The following AKAP9 variants were observed in gnomAD, a reference collection of about 807,000 sequenced individuals.
The protein encoded by AKAP9 is A-kinase anchor protein 9.
In AKAP9, 311 loss-of-function variants were observed where a neutral mutation model predicts 488.5. The ratio of observed to expected loss-of-function variants is 0.64; its 90% CI spans 0.58 to 0.70. The LOEUF (loss-of-function observed/expected upper bound fraction) is 0.70, where lower values mean the gene tolerates loss of function less well. AKAP9 is among the 30% of genes least tolerant of loss of function. AKAP9 has a pLI of 0.00. For synonymous variants in AKAP9, 1,462 were observed against 1,483.5 expected (o/e 0.99, Z 0.33); for missense variants, 4,215 against 4,374.5 (o/e 0.96, Z 1.03).
chr7:91,960,393 G>A (rs2130508427), intron 1 of AKAP9, among the ~76,000 whole-genome samples: 1 of 152,270 alleles, frequency 6.6e-6, no homozygotes, highest in African/African-American at 2.4e-5. Context: ...GGATGAGAAT[G>A]CATGGAAAGC....
intron 11 of AKAP9, among the ~76,000 whole-genome samples, chr7:92,016,575 A>G (rs1323103006): frequency 6.6e-6 from 1 of 152,020 alleles, no homozygotes; most frequent in African/African-American, 2.4e-5. Flanking sequence ...TTTTAAAGTT[A>G]TTGTATTTAT....
intron 23 of AKAP9, among the ~76,000 whole-genome samples, chr7:92,061,756 G>T (rs2961024): frequency 0.78 from 117,801 of 151,320 alleles, 46,649 homozygotes; most frequent in African/African-American, 0.93. Context: ...AAACTGAAGC[G>T]AAAAGATGTT....
chr7:92,001,988 A>G lies in AKAP9; in HGVS notation c.2071A>G (p.Lys691Glu). 1 of 1,612,354 alleles carries G rather than the reference A, an allele frequency of 6.2e-7. No individual in the cohort carries two copies. Among genetic ancestry groups the G allele is most frequent in the Admixed American group, 1.7e-5 (1 of 59,880 alleles). ...MQFEKDNLIT[K>E]QNQLILEISK... ...GTTTGAAAAGGACAATTTGATAACT[A>G]AGCAGAATCAATTAATTTTGGAAAT... Residue 691 changes from lysine (K) to glutamate (E), a missense_variant, in exon 8 of 50, where the codon AAG (lysine) becomes GAG (glutamate). Lys to Glu is a moderately conservative substitution (Grantham distance 56). Coordinates refer to ENST00000356239, the MANE Select transcript of AKAP9 (RefSeq NM_005751.5).
chr7:92,105,425 C>T (rs948561828), intron 46 of AKAP9, among the ~76,000 whole-genome samples: 1 of 152,146 alleles, frequency 6.6e-6, no homozygotes, highest in African/African-American at 2.4e-5. Context: ...ATTTATCCCT[C>T]AAGCTGGAAC....
chr7:92,014,375 C>T, intron 10 of AKAP9, 47 bp downstream of exon 10: 1 of 1,354,034 alleles, frequency 7.4e-7, no homozygotes, highest in Non-Finnish European at 1.0e-6. Context: ...GTGGCTGACA[C>T]TTATAATCCC....
At chr7:91,971,660 C>CG (rs1562915429) in intron 1 of AKAP9, among the ~76,000 whole-genome samples, 2 of 150,640 alleles carry the variant, frequency 1.3e-5, no homozygotes, top group South Asian at 4.2e-4. Context: ...CTCTGCCTCC[C>CG]GGGTTCACGC....
At chr7:92,046,032 C>T (rs1007868814) in intron 21 of AKAP9, among the ~76,000 whole-genome samples, 1 of 151,988 alleles carries the variant, frequency 6.6e-6, no homozygotes, top group Middle Eastern at 3.4e-3. Flanking sequence ...CAGGATTTTA[C>T]CCTGTTAGCC....
intron 12 of AKAP9, among the ~76,000 whole-genome samples, chr7:92,019,734 A>G (rs1032634169): frequency 2.0e-5 from 3 of 151,936 alleles, no homozygotes; most frequent in African/African-American, 4.8e-5. Context: ...AAGGCCGGGC[A>G]TGGTGGCTCA....
In AKAP9 at chr7:92,097,709, T is replaced by C. The variant is rs1462529747; in HGVS notation, c.10522T>C (p.Cys3508Arg). Residue 3508 changes from cysteine to arginine, a missense_variant, in exon 42 of 50, where the codon TGT becomes CGT. Coordinates refer to ENST00000356239, the MANE Select transcript of AKAP9 (RefSeq NM_005751.5). ...TGAAATGAATGGAGGAGGAACCGGC[T>C]GTAATCATGAATTAGAAATGATCAG... The part of the protein sequence containing the change: ...LIEMNGGGTG[C>R]NHELEMIRQK... 3.7e-6 allele frequency: 6 copies of C among 1,614,064 alleles called. No individual in the cohort carries two copies. The highest frequency in any genetic ancestry group is 5.1e-6 in the Non-Finnish European group (6 of 1,180,026).
chr7:92,093,726 CACATT>C (rs1389742597), intron 39 of AKAP9, among the ~76,000 whole-genome samples: 1 of 152,122 alleles, frequency 6.6e-6, no homozygotes, highest in Non-Finnish European at 1.5e-5. Flanking sequence ...TTGCCAAAGA[CACATT>C]ACAACTAGTC....
chr7:92,029,283 A>G (rs1030961856), intron 14 of AKAP9, among the ~76,000 whole-genome samples: 3 of 152,214 alleles, frequency 2.0e-5, no homozygotes, highest in African/African-American at 4.8e-5. Flanking sequence ...ATATTTGTAA[A>G]TTAAGATTCT....
Position 92,040,648 on chromosome 7 carries a change from T to TG in AKAP9, c.4693-26_4693-25insG, listed in dbSNP as rs201447291. The TG allele has an allele frequency of 0.019, 16,530 of 864,854 alleles. 37 individuals carry two copies. Among genetic ancestry groups the TG allele is most frequent in the Non-Finnish European group, 0.023 (14,094 of 625,760 alleles). 53.6% of individuals were successfully genotyped at this position (864,854 alleles called of 1,614,324 possible). On this transcript the variant is annotated intron_variant, in intron 17 of 49. Coordinates refer to ENST00000356239, the MANE Select transcript of AKAP9 (RefSeq NM_005751.5). ...ACAAAATGTGTTATGGTTGAATTGT[T>TG]TTTTTTTTTTTTTTTACTATTAAAG...
chr7:92,042,334 A>G (rs1180806596), intron 19 of AKAP9, 148 bp downstream of exon 19: 9 of 1,033,126 alleles, frequency 8.7e-6, no homozygotes, highest in African/African-American at 1.6e-5. Flanking sequence ...GGTGGAGTCA[A>G]AATGCCTTAC....
rs768679662 is a variant in AKAP9, at chr7:92,076,934, T to C, written c.6692T>C (p.Met2231Thr). The part of the protein sequence containing the change: ...NKNEEVQQLH[M>T]QLEIQKKEST... ...AATGAAGAAGTTCAACAATTACATATGCAATTAGAAATACAGAAAAAGGAA... is the reference window on the plus strand; with the variant it reads ...AATGAAGAAGTTCAACAATTACATACGCAATTAGAAATACAGAAAAAGGAA... The change falls in exon 29 of 50, where the codon ATG becomes ACG. Residue 2231 changes from methionine (M) to threonine (T), a missense_variant. Physicochemically the swap from Met to Thr is moderately conservative, Grantham distance 81. Around this residue, in one of 5 missense-constraint regions of AKAP9, gnomAD observed 51 missense variants for 87.3 expected, o/e 0.58. Transcript: ENST00000356239. The C allele has an allele frequency of 1.9e-6, 3 of 1,561,572 alleles. No individual in the cohort carries two copies. The highest frequency in any genetic ancestry group is 1.1e-5 in the South Asian group (1 of 86,994).
At chr7:92,088,382 A>G (rs935653551) in intron 37 of AKAP9, among the ~76,000 whole-genome samples, 1 of 152,214 alleles carries the variant, frequency 6.6e-6, no homozygotes, top group African/African-American at 2.4e-5. Flanking sequence ...GATGAAAAGA[A>G]ACTGTCTCAT....
chr7:92,003,779 C>A (rs1283589480), intron 8 of AKAP9, among the ~76,000 whole-genome samples: 1 of 151,768 alleles, frequency 6.6e-6, no homozygotes, highest in Non-Finnish European at 1.5e-5. Context: ...GGGGAAAAAA[C>A]AGTATTAACT....
intron 46 of AKAP9, 104 bp downstream of exon 46, chr7:92,102,930 T>C (rs1296126007): frequency 1.9e-6 from 2 of 1,029,976 alleles, no homozygotes; most frequent in African/African-American, 1.6e-5. Flanking sequence ...TATATTTATA[T>C]AGTAGGAGGT....
Position 92,079,234 on chromosome 7 carries a change from A to C in AKAP9, c.7101A>C (p.Gly2367=), listed in dbSNP as rs1444132186. 1 of 1,614,078 alleles carries C rather than the reference A, an allele frequency of 6.2e-7. No homozygotes were observed. The highest frequency in any genetic ancestry group is 1.1e-5 in the South Asian group (1 of 91,078). The change falls in exon 31 of 50, where the codon GGA becomes GGC. Residue 2367 remains glycine (G), a synonymous_variant. Coordinates refer to ENST00000356239, the MANE Select transcript of AKAP9 (RefSeq NM_005751.5). ...EKLQQELANI[G]QKTSMNAHSL... ...TTCAACAGGAATTGGCAAATATTGG[A>C]CAGAAGACATCAATGAATGCTCATT...
chr7:92,102,950 C>A, intron 46 of AKAP9, 124 bp downstream of exon 46: 1 of 879,472 alleles, frequency 1.1e-6, no homozygotes, highest in Admixed American at 2.3e-5. Context: ...TATGTGCCAT[C>A]ACTGAAGCAT....
Sources: gnomAD v4.1 joint callset for allele counts (sites outside exome capture counted in the v4.1 genomes callset) on GRCh38, gnomAD v4.1.1 for gene constraint, gnomAD v4.1.1 regional missense constraint, MANE v1.5 for transcripts, NCBI Gene and HGNC (gene_info 2026-07-23, HGNC 2026-07-21) for gene names.